Variants in KCNN2 observed in about 807,000 individuals in gnomAD.
KCNN2 encodes small conductance calcium-activated potassium channel protein 2.
Under a neutral mutation model 55.5 loss-of-function variants are expected in KCNN2, and 24 were observed. The observed-to-expected ratio is 0.43, with a 90% confidence interval of 0.31 to 0.61. The LOEUF (loss-of-function observed/expected upper bound fraction) is 0.61, where lower values mean the gene tolerates loss of function less well. KCNN2 is among the 20% of genes least tolerant of loss of function. The pLI is 0.08. For synonymous variants in KCNN2, 431 were observed against 336.1 expected (o/e 1.28, Z -3.09); for missense variants, 754 against 853.6 (o/e 0.88, Z 1.45).
intron 1 of KCNN2, among the ~76,000 whole-genome samples, chr5:114,202,812 T>C (rs913520802): frequency 1.3e-5 from 2 of 152,032 alleles, no homozygotes; most frequent in Non-Finnish European, 2.9e-5. Flanking sequence ...GGTCTCGGTC[T>C]CCTGACCTCG....
intron 1 of KCNN2, among the ~76,000 whole-genome samples, chr5:114,090,984 T>A (rs1358402251): frequency 6.6e-6 from 1 of 152,102 alleles, no homozygotes; most frequent in Non-Finnish European, 1.5e-5. Flanking sequence ...ACTACAGGCA[T>A]GTACCATGCC....
intron 1 of KCNN2, among the ~76,000 whole-genome samples, chr5:114,152,195 A>G (rs921121081): frequency 1.3e-5 from 2 of 152,156 alleles, no homozygotes; most frequent in African/African-American, 4.8e-5. Context: ...TCAAATTGCT[A>G]TAGGGGAAAT....
intron 3 of KCNN2, among the ~76,000 whole-genome samples, chr5:114,438,760 G>C (rs1760103099): frequency 6.6e-6 from 1 of 152,090 alleles, no homozygotes; most frequent in Non-Finnish European, 1.5e-5. Flanking sequence ...TTCTGCCCTG[G>C]TGCCTCTTTA....
intron 1 of KCNN2, among the ~76,000 whole-genome samples, chr5:114,074,417 T>G (rs1750644906): frequency 2.0e-5 from 3 of 152,216 alleles, no homozygotes; most frequent in African/African-American, 7.2e-5. Context: ...TACCATGAGT[T>G]GTTATTAAAC....
At chr5:114,268,886 C>A (rs559580055) in intron 2 of KCNN2, among the ~76,000 whole-genome samples, 12 of 151,546 alleles carry the variant, frequency 7.9e-5, no homozygotes, top group East Asian at 2.0e-4. Context: ...GCAGCAGGAA[C>A]AAAACAAGAG....
intron 1 of KCNN2, among the ~76,000 whole-genome samples, chr5:114,085,293 A>G (rs2112546424): frequency 6.6e-6 from 1 of 152,042 alleles, no homozygotes; most frequent in East Asian, 1.9e-4. Context: ...TATTGAATCT[A>G]TGGGGCAAGT....
At chr5:114,167,132 A>T (rs1168821703) in intron 1 of KCNN2, among the ~76,000 whole-genome samples, 2 of 152,116 alleles carry the variant, frequency 1.3e-5, no homozygotes, top group African/African-American at 4.8e-5. Flanking sequence ...CACTCTCCAG[A>T]TATGTGAGAG....
chr5:114,117,909 T>C (rs567345219), intron 1 of KCNN2, among the ~76,000 whole-genome samples: 1 of 152,284 alleles, frequency 6.6e-6, no homozygotes, highest in South Asian at 2.1e-4. Context: ...CCCTTATCAT[T>C]CTCATTTCAG....
chr5:114,416,592 T>C (rs962946538), intron 3 of KCNN2, among the ~76,000 whole-genome samples: 17 of 152,294 alleles, frequency 1.1e-4, no homozygotes, highest in African/African-American at 4.1e-4. Flanking sequence ...TACGATATTC[T>C]CAGTGCCACA....
At chr5:114,076,369 C>T (rs1246099503) in intron 1 of KCNN2, among the ~76,000 whole-genome samples, 3 of 151,982 alleles carry the variant, frequency 2.0e-5, no homozygotes, top group Non-Finnish European at 4.4e-5. Flanking sequence ...TCTGCTATGC[C>T]CTAAGGATGG....
chr5:114,380,346 T>C (rs1361883182), intron 2 of KCNN2, among the ~76,000 whole-genome samples: 2 of 152,210 alleles, frequency 1.3e-5, no homozygotes, highest in East Asian at 3.9e-4. Context: ...AACATGGTGC[T>C]GTCACAACAA....
chr5:114,376,722 G>A (rs574414135), intron 2 of KCNN2, among the ~76,000 whole-genome samples: 2 of 152,238 alleles, frequency 1.3e-5, no homozygotes, highest in African/African-American at 4.8e-5. Context: ...ACACAATGGG[G>A]GAAATTACAA....
At chr5:114,139,212 T>G (rs1245141776) in intron 1 of KCNN2, among the ~76,000 whole-genome samples, 1 of 152,144 alleles carries the variant, frequency 6.6e-6, no homozygotes, top group Non-Finnish European at 1.5e-5. Context: ...CTAAAAGTAT[T>G]TTTGAAGAAG....
intron 1 of KCNN2, among the ~76,000 whole-genome samples, chr5:114,142,299 A>G (rs1487287457): frequency 6.6e-6 from 1 of 152,054 alleles, no homozygotes; most frequent in East Asian, 1.9e-4. Context: ...ATCTTGAATT[A>G]ATTTTTGTAT....
Position 114,248,463 on chromosome 5 carries a change from G to A in KCNN2, c.-185+26898G>A, listed in dbSNP as rs1754791182. Reference sequence around the variant, plus strand: ...AGGTAAGATATATATGGATCAAAGAGCACAGAACATATCTGAAAGAGGCAG... The same window carrying A: ...AGGTAAGATATATATGGATCAAAGAACACAGAACATATCTGAAAGAGGCAG... On this transcript the variant is annotated intron_variant, in intron 2 of 10. Transcript: ENST00000512097. Among the ~76,000 whole-genome samples, 6 of 152,128 alleles carry A rather than the reference G, an allele frequency of 3.9e-5. No individual in the cohort carries two copies. In the South Asian group the frequency reaches 1.2e-3, roughly 32 times the overall value.
At chr5:114,221,758 T>G (rs1754143324) in intron 2 of KCNN2, among the ~76,000 whole-genome samples, 1 of 152,188 alleles carries the variant, frequency 6.6e-6, no homozygotes, top group African/African-American at 2.4e-5. Context: ...CCACCACCAC[T>G]GCATTAAGAA....
At chr5:114,219,068 C>A (rs551449143) in intron 1 of KCNN2, among the ~76,000 whole-genome samples, 3 of 152,180 alleles carry the variant, frequency 2.0e-5, no homozygotes, top group South Asian at 4.1e-4. Flanking sequence ...AGTAGGTAAG[C>A]GAGTATGGGA....
chr5:114,068,169 A>T (rs1750489612), intron 1 of KCNN2, among the ~76,000 whole-genome samples: 1 of 152,222 alleles, frequency 6.6e-6, no homozygotes, highest in East Asian at 1.9e-4. Context: ...TAATTTCTAC[A>T]CCAAATATTC....
At chr5:114,225,573 A>G (rs896765793) in intron 2 of KCNN2, among the ~76,000 whole-genome samples, 2 of 152,180 alleles carry the variant, frequency 1.3e-5, no homozygotes, top group African/African-American at 4.8e-5. Context: ...ACAGTGCTTG[A>G]TACATAGTAG....
Sources: allele counts gnomAD v4.1 joint callset (sites outside exome capture counted in the v4.1 genomes callset), GRCh38; gene constraint gnomAD v4.1.1; transcripts MANE v1.5; gene names NCBI Gene and HGNC (gene_info 2026-07-23, HGNC 2026-07-21).